The following STPG2 variants were observed in gnomAD, a reference collection of about 807,000 sequenced individuals.
STPG2 encodes the protein sperm tail PG-rich repeat containing 2, also known as sperm-tail PG-rich repeat-containing protein 2.
In STPG2, 56 loss-of-function variants were observed where a neutral mutation model predicts 54.2. The ratio of observed to expected loss-of-function variants is 1.03; its 90% CI spans 0.83 to 1.29. The LOEUF (loss-of-function observed/expected upper bound fraction) is 1.29. STPG2 is among the 50% of genes most tolerant of loss of function. The probability of loss-of-function intolerance (pLI) is 0.00; values close to 1 mark genes in which losing one functional copy is unlikely to be tolerated. For missense variants in STPG2, 596 were observed against 544.9 expected (o/e 1.09, Z -0.93); for synonymous variants, 200 against 181.8 (o/e 1.10, Z -0.81).
intron 9 of STPG2, among the ~76,000 whole-genome samples, chr4:97,793,709 G>A (rs545918367): frequency 1.3e-5 from 2 of 152,044 alleles, no homozygotes; most frequent in South Asian, 4.1e-4. Flanking sequence ...ATAAGATCAA[G>A]TAAAAGTAAA....
chr4:97,462,125 G>A (rs1006183978), intron 4 of STPG2, among the ~76,000 whole-genome samples: 1 of 151,738 alleles, frequency 6.6e-6, no homozygotes, highest in Non-Finnish European at 1.5e-5. Context: ...TGTATGTAGT[G>A]TAAGATAGTA....
intron 3 of STPG2, among the ~76,000 whole-genome samples, chr4:98,114,335 T>C (rs1423935617): frequency 6.6e-6 from 1 of 152,086 alleles, no homozygotes; most frequent in Non-Finnish European, 1.5e-5. Context: ...TACTATATTA[T>C]GACCATAACA....
At chr4:97,922,128 T>A (rs1732132396) in intron 8 of STPG2, among the ~76,000 whole-genome samples, 1 of 152,108 alleles carries the variant, frequency 6.6e-6, no homozygotes, top group Non-Finnish European at 1.5e-5. Context: ...TAATAATAGG[T>A]CATATACTTA....
chr4:97,659,031 T>C (rs899935098), intron 10 of STPG2, among the ~76,000 whole-genome samples: 4 of 152,140 alleles, frequency 2.6e-5, no homozygotes, highest in African/African-American at 9.7e-5. Context: ...TAAAAAATCC[T>C]CTGTTTTGAT....
chr4:97,610,789 G>A (rs1322690042), intron 10 of STPG2, among the ~76,000 whole-genome samples: 4 of 151,890 alleles, frequency 2.6e-5, no homozygotes, highest in Admixed American at 6.6e-5. Flanking sequence ...TGGCAAATAC[G>A]ACTATTTCCA....
intron 8 of STPG2, among the ~76,000 whole-genome samples, chr4:97,925,548 A>G (rs1462684252): frequency 6.6e-6 from 1 of 152,198 alleles, no homozygotes; most frequent in African/African-American, 2.4e-5. Flanking sequence ...GCTGTCTCCC[A>G]TCAGTGGTTA....
intron 8 of STPG2, among the ~76,000 whole-genome samples, chr4:97,860,554 G>A (rs1729491150): frequency 6.6e-6 from 1 of 150,744 alleles, no homozygotes; most frequent in African/African-American, 2.4e-5. Flanking sequence ...AAAAGGGATT[G>A]AGTTCTTGAT....
At chr4:98,027,933 T>TA (rs1736477390) in intron 5 of STPG2, among the ~76,000 whole-genome samples, 1 of 152,304 alleles carries the variant, frequency 6.6e-6, no homozygotes, top group African/African-American at 2.4e-5. Context: ...GCTATTGATA[T>TA]AAAATCTCAT....
intron 10 of STPG2, among the ~76,000 whole-genome samples, chr4:97,691,481 A>T (rs189422166): frequency 6.6e-6 from 1 of 151,980 alleles, no homozygotes; most frequent in Non-Finnish European, 1.5e-5. Context: ...ACTCTATTGT[A>T]CTGGGAACCA....
intron 5 of STPG2, among the ~76,000 whole-genome samples, chr4:98,104,573 A>G (rs772107256): frequency 1.3e-5 from 2 of 152,078 alleles, no homozygotes; most frequent in Admixed American, 1.3e-4. Flanking sequence ...ATATGCAAAA[A>G]TAACAATACT....
At chr4:97,958,008 A>C (rs2149245711) in intron 7 of STPG2, among the ~76,000 whole-genome samples, 1 of 152,122 alleles carries the variant, frequency 6.6e-6, no homozygotes, top group East Asian at 1.9e-4. Context: ...CAAAAATACA[A>C]CTAAAAACAA....
chr4:97,729,078 T>TCTCTCTCTCTCTCTCG (rs1724714940), intron 9 of STPG2, among the ~76,000 whole-genome samples: 1 of 151,130 alleles, frequency 6.6e-6, no homozygotes, highest in South Asian at 2.1e-4. Context: ...TCTCTCTCTC[T>TCTCTCTCTCTCTCTCG]CTCTCTCTCT....
intron 5 of STPG2, among the ~76,000 whole-genome samples, chr4:98,026,573 T>C (rs1028575910): frequency 2.6e-5 from 4 of 152,170 alleles, no homozygotes; most frequent in Admixed American, 2.6e-4. Context: ...TGGAGGCCCA[T>C]TGAGTTTCTC....
chr4:98,101,359 A>C (rs1400945304), intron 5 of STPG2, among the ~76,000 whole-genome samples: 2 of 152,188 alleles, frequency 1.3e-5, no homozygotes, highest in African/African-American at 4.8e-5. Flanking sequence ...GAAAGATCCC[A>C]TGAGTAAGGG....
chr4:97,677,290 G>C (rs2148975075), intron 10 of STPG2, among the ~76,000 whole-genome samples: 1 of 152,170 alleles, frequency 6.6e-6, no homozygotes, highest in East Asian at 1.9e-4. Flanking sequence ...GGCATTTACT[G>C]TTTTTTAATA....
intron 5 of STPG2, among the ~76,000 whole-genome samples, chr4:98,092,569 A>G (rs1272753593): frequency 6.6e-6 from 1 of 152,066 alleles, no homozygotes; most frequent in Admixed American, 6.5e-5. Context: ...CCCATTAAAG[A>G]AAAAAACACA....
chr4:97,776,232 T>C (rs1726371539), intron 9 of STPG2, among the ~76,000 whole-genome samples: 1 of 152,222 alleles, frequency 6.6e-6, no homozygotes, highest in Admixed American at 6.5e-5. Flanking sequence ...ACTAGGAACA[T>C]TATTATAAGT....
chr4:98,062,924 A>C (rs1737709589), intron 5 of STPG2, among the ~76,000 whole-genome samples: 1 of 151,884 alleles, frequency 6.6e-6, no homozygotes, highest in Admixed American at 6.6e-5. Context: ...TTTTATAAAA[A>C]TTTGTTGTAA....
chr4:97,488,717 C>T (rs764759341), intron 4 of STPG2, among the ~76,000 whole-genome samples: 1 of 151,580 alleles, frequency 6.6e-6, no homozygotes, highest in Non-Finnish European at 1.5e-5. Context: ...ACATAGAGGA[C>T]AAAACAAATA....
Sources: gnomAD v4.1 joint callset for allele counts (sites outside exome capture counted in the v4.1 genomes callset) on GRCh38, gnomAD v4.1.1 for gene constraint, MANE v1.5 for transcripts, NCBI Gene and HGNC (gene_info 2026-07-23, HGNC 2026-07-21) for gene names.